Variants in MYCBPAP observed in about 807,000 individuals in gnomAD.
MYCBPAP encodes the protein MYCBP associated protein.
MYCBPAP carries 60 observed loss-of-function variants against 106.1 expected under a neutral mutation model. The ratio of observed to expected loss-of-function variants is 0.57; its 90% CI spans 0.46 to 0.70. The LOEUF is 0.70. Among genes scored for constraint, MYCBPAP ranks in the 30% least tolerant of loss-of-function variants. The pLI is 0.00. For missense variants in MYCBPAP, 1,064 were observed against 1,169.3 expected, an observed-to-expected ratio of 0.91 and a Z score of 1.31; for synonymous variants, 407 against 440.6, an observed-to-expected ratio of 0.92 and a Z score of 0.95.
At chr17:50,519,811 G>T in intron 7 of MYCBPAP, 24 bp downstream of exon 7, 1 of 1,608,298 alleles carries the variant, frequency 6.2e-7, no homozygotes, top group South Asian at 1.1e-5. Context: ...CTGTAAGCCA[G>T]CTAGCATCTT....
chr17:50,510,499 G>GTATGTATATA (rs1555618059), intron 1 of MYCBPAP: 1 of 76,428 alleles, frequency 1.3e-5, no homozygotes, highest in Non-Finnish European at 2.6e-5. Flanking sequence ...GTGTGTGTGT[G>GTATGTATATA]TATATATATA....
At chr17:50,530,188 TTTGATA>T (rs1375521707) in intron 18 of MYCBPAP, 1 of 434,180 alleles carries the variant, frequency 2.3e-6, no homozygotes, top group Non-Finnish European at 4.6e-6. Flanking sequence ...TCCATGGCTC[TTTGATA>T]TTAAGAATCA....
At chr17:50,510,499 G>GTATGTATATATATA (rs1555618059) in intron 1 of MYCBPAP, 6 of 76,426 alleles carry the variant, frequency 7.9e-5, no homozygotes, top group African/African-American at 2.7e-4. Flanking sequence ...GTGTGTGTGT[G>GTATGTATATATATA]TATATATATA....
chr17:50,519,569 T>A (rs2034181016), intron 6 of MYCBPAP, 71 bp from the exon 7 acceptor site: 2 of 1,570,718 alleles, frequency 1.3e-6, no homozygotes, highest in Non-Finnish European at 1.7e-6. Context: ...GGTGCTCTTG[T>A]CTTCCCACAT....
chr17:50,523,048 G>A lies in MYCBPAP; in HGVS notation c.1367G>A (p.Trp456Ter). Residue 456 changes from tryptophan (W) to a stop codon, truncating the protein, a stop_gained, in exon 11 of 19, where the codon TGG (tryptophan) becomes TAG (stop). Transcript: ENST00000323776. LOFTEE classifies it high-confidence loss of function. ...NNGTVAIWYD[W>*]RRQHQPDTFQ... ...GGCACCGTGGCCATTTGGTATGACT[G>A]GCGACGGCAGCACCAGCCGGACACT... 6.2e-7 allele frequency: 1 copy of A among 1,614,136 alleles called. No individual in the cohort carries two copies. The highest frequency in any genetic ancestry group is 8.5e-7 in the Non-Finnish European group (1 of 1,180,032).
chr17:50,517,857 T>G (rs114680874), intron 4 of MYCBPAP, among the ~76,000 whole-genome samples, 159 bp downstream of exon 4: 1,542 of 152,312 alleles, frequency 0.01, 27 homozygotes, highest in African/African-American at 0.036. Flanking sequence ...AGTTGGACAC[T>G]TCAGGCAGCT....
At chr17:50,530,443 C>T (rs112873297) in intron 18 of MYCBPAP, 113 of 160,372 alleles carry the variant, frequency 7.0e-4, no homozygotes, top group African/African-American at 2.9e-3. Flanking sequence ...TGCAGTGAGC[C>T]GAGATCACGC....
At chr17:50,513,285 G>A (rs1420449325) in intron 1 of MYCBPAP, among the ~76,000 whole-genome samples, 3 of 151,608 alleles carry the variant, frequency 2.0e-5, no homozygotes, top group East Asian at 1.9e-4. Context: ...TACTCGGGAG[G>A]CCGAGGCAGG....
Position 50,523,745 on chromosome 17 carries a change from G to A in MYCBPAP, c.1596G>A (p.Leu532=). The change falls in exon 12 of 19, where the codon CTG becomes CTA. Residue 532 remains leucine, a synonymous_variant. Coordinates refer to ENST00000323776, the MANE Select transcript of MYCBPAP (RefSeq NM_032133.6). ...ILQVNLHAVS[L]TQDVFEDERK... ...AGGTCAATCTCCACGCGGTCTCCCT[G>A]ACCCAGGACGTTTTTGAGGATGAGA... The A allele has an allele frequency of 6.2e-7, 1 of 1,614,130 alleles. No homozygotes were observed. Among genetic ancestry groups the A allele is most frequent in the Non-Finnish European group, 8.5e-7 (1 of 1,179,996 alleles).
chr17:50,510,491 G>GTATATA (rs1470026068), intron 1 of MYCBPAP: 1 of 113,836 alleles, frequency 8.8e-6, no homozygotes, highest in Non-Finnish European at 1.9e-5. Flanking sequence ...GTGTGTGTGT[G>GTATATA]TGTGTGTGTA....
chr17:50,524,711 C>CGTGTGTGT (rs1555621272), intron 12 of MYCBPAP, among the ~76,000 whole-genome samples, 166 bp from the exon 13 acceptor site: 15 of 138,834 alleles, frequency 1.1e-4, no homozygotes, highest in African/African-American at 4.4e-4. Context: ...TTAGAACAGG[C>CGTGTGTGT]GTGTGTGTGT....
intron 13 of MYCBPAP, 192 bp downstream of exon 13, chr17:50,525,215 G>A (rs563600887): frequency 1.1e-4 from 66 of 602,338 alleles, no homozygotes; most frequent in South Asian, 7.2e-4. Flanking sequence ...CGCATGCGAG[G>A]GATGGAAATT....
At position 50,522,076 on chromosome 17, in the gene MYCBPAP, G is replaced by A. The variant is rs374134519; in HGVS notation, c.1252G>A (p.Asp418Asn). The change falls in exon 10 of 19, where the codon GAC becomes AAC. Residue 418 changes from aspartate to asparagine, a missense_variant. Asp to Asn is a conservative substitution (Grantham distance 23). Coordinates refer to ENST00000323776, the MANE Select transcript of MYCBPAP (RefSeq NM_032133.6). ...CTGGATCAGAGGCAGTAATCCACAGGACAAGGTAAAACAGCCTCCACCACA... is the reference window on the plus strand; with the variant it reads ...CTGGATCAGAGGCAGTAATCCACAGAACAAGGTAAAACAGCCTCCACCACA... ...ACWIRGSNPQ[D>N]KRQVGIAAHL... 1 of 1,613,504 alleles carries A rather than the reference G, an allele frequency of 6.2e-7. No individual in the cohort carries two copies. The highest frequency in any genetic ancestry group is 1.3e-5 in the African/African-American group (1 of 74,928).
chr17:50,518,125 T>A lies in MYCBPAP; in HGVS notation c.469-416T>A, dbSNP rs2034119582. Among the ~76,000 whole-genome samples, 3 of 152,230 alleles carry A rather than the reference T, an allele frequency of 2.0e-5. No homozygotes were observed. In the South Asian group the frequency reaches 6.2e-4, roughly 32 times the overall value. On this transcript the variant is annotated intron_variant, in intron 4 of 18. Transcript: ENST00000323776. ...CTTCCTGGGCCACGGGAAGATTCTG[T>A]ATCTTTCCAGCCTTCCCATCATGCA...
At chr17:50,508,159 T>A, upstream of MYCBPAP, 1 of 196,430 alleles carries the variant, frequency 5.1e-6, no homozygotes, top group Non-Finnish European at 1.0e-5. Context: ...CCAGAACCGC[T>A]GTGAGGGGGG....
intron 12 of MYCBPAP, among the ~76,000 whole-genome samples, chr17:50,524,301 TG>T (rs1156750039): frequency 1.1e-4 from 17 of 152,242 alleles, no homozygotes; most frequent in Admixed American, 1.1e-3. Flanking sequence ...ATTTGAGCCG[TG>T]CATCCTGGGA....
Position 50,524,054 on chromosome 17 carries a change from C to G in MYCBPAP, c.1635+270C>G, listed in dbSNP as rs1181240957. On this transcript the variant is annotated intron_variant, in intron 12 of 18. Transcript: ENST00000323776. ...AGAAATTAGACTGAGCCTTAAGAGG[C>G]AGACTGTAAAGTACAATGTGTGGCC... Among the ~76,000 whole-genome samples the G allele has an allele frequency of 2.6e-5, 4 of 152,244 alleles. No individual in the cohort carries two copies. In the East Asian group the frequency reaches 7.7e-4, roughly 29 times the overall value.
At chr17:50,516,097 C>A (rs2034041705) in intron 1 of MYCBPAP, 1 of 155,148 alleles carries the variant, frequency 6.4e-6, no homozygotes, top group African/African-American at 2.4e-5. Context: ...TCAAGTGATT[C>A]TCCTGCCTCA....
At chr17:50,522,725 T>TG in intron 10 of MYCBPAP, 1 of 83,514 alleles carries the variant, frequency 1.2e-5, no homozygotes, top group African/African-American at 7.0e-5. Flanking sequence ...TATATATATA[T>TG]TTGTTTTATC....
Sources: allele counts gnomAD v4.1 joint callset (sites outside exome capture counted in the v4.1 genomes callset), GRCh38; gene constraint gnomAD v4.1.1; transcripts MANE v1.5; gene names NCBI Gene and HGNC (gene_info 2026-07-23, HGNC 2026-07-21).